Variants in CLCN5 observed in about 807,000 individuals in gnomAD.
CLCN5 encodes H(+)/Cl(-) exchange transporter 5.
Under a neutral mutation model 54.0 loss-of-function variants are expected in CLCN5, and 17 were observed. The observed-to-expected ratio is 0.31, with a 90% CI of 0.22 to 0.47. The LOEUF is 0.47. CLCN5 is among the 20% of genes least tolerant of loss of function. The pLI is 1.00. For missense variants in CLCN5, 448 were observed against 646.7 expected (o/e 0.69, Z 3.33); for synonymous variants, 222 against 233.0 (o/e 0.95, Z 0.43).
Position 50,086,752 on chromosome X carries a change from G to A in CLCN5, c.1439G>A (p.Ser480Asn). The change falls in exon 11 of 15, where the codon AGC (serine) becomes AAC (asparagine). Residue 480 changes from serine (S) to asparagine (N), a missense_variant. By Grantham distance (46) the Ser-to-Asn change is conservative. Transcript: ENST00000376091. ...GATTATGAGAACCGTTTCAACACAA[G>A]CAAAGGGGGTGAACTGCCTGACAGA... ...LCDYENRFNT[S>N]KGGELPDRPA... The A allele has an allele frequency of 5.0e-6, 6 of 1,211,311 alleles. No homozygotes were observed. The highest frequency in any genetic ancestry group is 6.7e-6 in the Non-Finnish European group (6 of 895,481).
chrX:50,033,253 G>A (rs1475738319), intron 3 of CLCN5, among the ~76,000 whole-genome samples: 1 of 111,190 alleles, frequency 9.0e-6, no homozygotes, highest in Non-Finnish European at 1.9e-5. Flanking sequence ...TGACATGATT[G>A]TATATCTAGA....
rs782265386 is a variant in CLCN5 at position 50,086,615 on chromosome X, A to G, written c.1302A>G (p.Thr434=). The G allele has an allele frequency of 2.0e-5, 24 of 1,208,712 alleles. No individual in the cohort carries two copies. Among genetic ancestry groups the G allele is most frequent in the Non-Finnish European group, 2.6e-5 (23 of 894,924 alleles). ...KYPVIEVLVV[T]AITAILAFPN... Reference sequence around the variant, plus strand: ...CTGTTATAGAGGTACTCGTCGTGACAGCCATCACTGCCATCCTGGCTTTCC... The same window carrying G: ...CTGTTATAGAGGTACTCGTCGTGACGGCCATCACTGCCATCCTGGCTTTCC... Residue 434 remains threonine (T), a synonymous_variant, in exon 11 of 15, where the codon ACA becomes ACG. Coordinates refer to ENST00000376091, the MANE Select transcript of CLCN5 (RefSeq NM_001127898.4).
At chrX:49,934,428 A>C (rs1925814724) in intron 3 of CLCN5, among the ~76,000 whole-genome samples, 1 of 111,536 alleles carries the variant, frequency 9.0e-6, no homozygotes, top group Non-Finnish European at 1.9e-5. Context: ...TACGAATGCC[A>C]GATTCTCCTT....
chrX:50,063,007 C>A (rs1557190184), intron 4 of CLCN5, among the ~76,000 whole-genome samples: 1 of 110,384 alleles, frequency 9.1e-6, no homozygotes, highest in African/African-American at 3.3e-5. Context: ...GCATTCAAAG[C>A]AGTGTGTAGA....
chrX:50,026,008 A>G (rs1931369144), intron 3 of CLCN5, among the ~76,000 whole-genome samples: 1 of 112,113 alleles, frequency 8.9e-6, no homozygotes, highest in Admixed American at 9.5e-5. Context: ...TTATTAATAT[A>G]TGCATTCAAT....
At chrX:50,064,162 C>A (rs1454405234) in intron 4 of CLCN5, among the ~76,000 whole-genome samples, 1 of 109,443 alleles carries the variant, frequency 9.1e-6, no homozygotes, top group African/African-American at 3.3e-5. Flanking sequence ...CTGGCCAGGG[C>A]AATCAGGCAG....
At chrX:49,964,869 C>A (rs1304220741) in intron 3 of CLCN5, among the ~76,000 whole-genome samples, 1 of 111,109 alleles carries the variant, frequency 9.0e-6, no homozygotes, top group African/African-American at 3.3e-5. Flanking sequence ...TTTTCCATTG[C>A]TCCCTCAACA....
chrX:50,081,559 C>T, intron 8 of CLCN5, 82 bp from the exon 9 acceptor site: 1 of 740,586 alleles, frequency 1.4e-6, no homozygotes, highest in Non-Finnish European at 2.1e-6. Context: ...GGTGCAGTTT[C>T]TATAATGAGG....
intron 3 of CLCN5, among the ~76,000 whole-genome samples, chrX:49,938,217 G>A (rs1926107154): frequency 9.0e-6 from 1 of 111,427 alleles, no homozygotes; most frequent in Non-Finnish European, 1.9e-5. Context: ...TACTGCCCAA[G>A]GTAATTTATA....
At chrX:50,075,245 G>A (rs1203299497) in intron 6 of CLCN5, among the ~76,000 whole-genome samples, 2 of 110,626 alleles carry the variant, frequency 1.8e-5, no homozygotes, top group African/African-American at 3.3e-5. Flanking sequence ...CTTGTCCATG[G>A]AGCACAATCC....
chrX:49,991,800 C>T (rs1347151297), intron 3 of CLCN5, among the ~76,000 whole-genome samples: 1 of 112,004 alleles, frequency 8.9e-6, no homozygotes, highest in Non-Finnish European at 1.9e-5. Flanking sequence ...CCCGTGTATC[C>T]AAGGGTGGTG....
At chrX:49,924,947 A>G (rs1344918097) in intron 2 of CLCN5, among the ~76,000 whole-genome samples, 1 of 112,141 alleles carries the variant, frequency 8.9e-6, no homozygotes, top group East Asian at 2.8e-4. Flanking sequence ...TCATTTACTG[A>G]AGCTCTAATG....
chrX:49,956,503 T>C (rs1450241118), intron 3 of CLCN5, among the ~76,000 whole-genome samples: 3 of 112,265 alleles, frequency 2.7e-5, no homozygotes, highest in African/African-American at 9.7e-5. Context: ...CTGTTGTTAT[T>C]CCGTTGTCAT....
chrX:50,009,288 G>A (rs1294167445), intron 3 of CLCN5, among the ~76,000 whole-genome samples: 1 of 111,862 alleles, frequency 8.9e-6, no homozygotes, highest in Admixed American at 9.5e-5. Flanking sequence ...ACTGTAATGG[G>A]GAAACACACA....
intron 4 of CLCN5, among the ~76,000 whole-genome samples, chrX:50,057,793 A>G (rs1395016157): frequency 6.4e-5 from 7 of 109,296 alleles, no homozygotes; most frequent in African/African-American, 2.3e-4. Context: ...TGAAGGCACA[A>G]GTTGCTAGAT....
intron 3 of CLCN5, among the ~76,000 whole-genome samples, chrX:49,934,800 C>G (rs1203035258): frequency 1.8e-5 from 2 of 111,739 alleles, no homozygotes; most frequent in Admixed American, 1.9e-4. Context: ...TTCCCAAAGA[C>G]AAGCACGATA....
chrX:49,940,051 C>G (rs9943024), intron 3 of CLCN5, among the ~76,000 whole-genome samples: 30 of 111,606 alleles, frequency 2.7e-4, no homozygotes, highest in African/African-American at 9.8e-4. Context: ...AAGTATGAAT[C>G]TTTTAGTTTT....
chrX:50,060,305 G>C (rs974475477), intron 4 of CLCN5, among the ~76,000 whole-genome samples: 11 of 110,643 alleles, frequency 9.9e-5, no homozygotes, highest in African/African-American at 2.3e-4. Context: ...TGCGCGCACC[G>C]TGCGCGAGCT....
At chrX:49,923,764 C>G (rs1237240495) in intron 2 of CLCN5, 1 of 112,140 alleles carries the variant, frequency 8.9e-6, no homozygotes, top group African/African-American at 3.2e-5. Flanking sequence ...TTTTCTTGGA[C>G]TTCGCGAACT....
Sources: gnomAD v4.1 joint callset for allele counts (sites outside exome capture counted in the v4.1 genomes callset) on GRCh38, gnomAD v4.1.1 for gene constraint, MANE v1.5 for transcripts, NCBI Gene and HGNC (gene_info 2026-07-23, HGNC 2026-07-21) for gene names.